Variants in SLC47A2 observed in about 807,000 individuals in gnomAD.
The protein encoded by SLC47A2 is solute carrier family 47 member 2.
A neutral mutation model predicts 67.7 loss-of-function variants in SLC47A2; 52 were observed. The observed-to-expected ratio is 0.77, with a 90% CI of 0.61 to 0.97. The LOEUF (loss-of-function observed/expected upper bound fraction) is 0.97. SLC47A2 is among the 50% of genes least tolerant of loss of function. The probability of loss-of-function intolerance (pLI) is 0.00; values close to 1 mark genes in which losing one functional copy is unlikely to be tolerated. For missense variants in SLC47A2, 676 were observed against 712.3 expected, an observed-to-expected ratio of 0.95 and a Z score of 0.58; for synonymous variants, 278 against 292.9, an observed-to-expected ratio of 0.95 and a Z score of 0.52.
Position 19,681,475 on chromosome 17 carries a change from G to T in SLC47A2, c.1298-14C>A. On this transcript the variant is annotated splice_polypyrimidine_tract_variant and intron_variant, in intron 14 of 16. Transcript: ENST00000433844. Reference sequence around the variant, plus strand: ...CCAGCCAGAGGCCTGGAGGAGACAAGTGATGATGGGAACAATGTCCGACGA... The same window carrying T: ...CCAGCCAGAGGCCTGGAGGAGACAATTGATGATGGGAACAATGTCCGACGA... The T allele has an allele frequency of 6.2e-7, 1 of 1,614,130 alleles. No homozygotes were observed. Among genetic ancestry groups the T allele is most frequent in the South Asian group, 1.1e-5 (1 of 91,064 alleles).
At chr17:19,709,581 AGT>A (rs375982429) in intron 5 of SLC47A2, among the ~76,000 whole-genome samples, 8 of 151,898 alleles carry the variant, frequency 5.3e-5, no homozygotes, top group South Asian at 2.1e-4. Context: ...GGATAATAAT[AGT>A]GTGTGTGTGT....
chr17:19,689,166 C>G (rs891574074), intron 13 of SLC47A2, among the ~76,000 whole-genome samples: 1 of 152,106 alleles, frequency 6.6e-6, no homozygotes, highest in Non-Finnish European at 1.5e-5. Context: ...CTCAGCCTCC[C>G]AAAATGCTGG....
chr17:19,678,394 A>G lies in SLC47A2; in HGVS notation c.*292T>C, dbSNP rs1194451723. On this transcript the variant is annotated 3_prime_UTR_variant, in exon 17 of 17. Coordinates refer to ENST00000433844, the MANE Select transcript of SLC47A2 (RefSeq NM_001099646.3). The stretch of plus-strand genomic sequence containing the variant: ...CAGTGTCCCATTTGAAGCCATTTAC[A>G]TTATTAATAATAGTGACAATCCCTG... 2.5e-5 allele frequency: 10 copies of G among 395,760 alleles called. No homozygotes were observed. The highest frequency in any genetic ancestry group is 7.6e-5 in the Admixed American group (2 of 26,324). The allele number at this position is 395,760 out of a possible 1,614,324, so 24.5% of individuals were successfully genotyped here.
intron 5 of SLC47A2, among the ~76,000 whole-genome samples, chr17:19,712,361 T>C (rs1358368436): frequency 6.6e-6 from 1 of 152,054 alleles, no homozygotes; most frequent in Non-Finnish European, 1.5e-5. Context: ...CACTCCAGCC[T>C]GGGTGACAGA....
Position 19,708,368 on chromosome 17 carries a change from A to T in SLC47A2, c.563T>A (p.Val188Glu). ...CACACCGTTGACACAGTTGCCCACCACACCACTGAGGACTTGGGGCCAGGT... is the reference window on the plus strand; with the variant it reads ...CACACCGTTGACACAGTTGCCCACCTCACCACTGAGGACTTGGGGCCAGGT... ...KITWPQVLSG[V>E]VGNCVNGVAN... Residue 188 changes from valine (V) to glutamate (E), a missense_variant, in exon 7 of 17, where the codon GTG becomes GAG. Physicochemically the swap from Val to Glu is moderately radical, Grantham distance 121. Coordinates refer to ENST00000433844, the MANE Select transcript of SLC47A2 (RefSeq NM_001099646.3). 6.2e-7 allele frequency: 1 copy of T among 1,613,980 alleles called. No individual in the cohort carries two copies. The highest frequency in any genetic ancestry group is 1.3e-5 in the African/African-American group (1 of 75,040).
chr17:19,682,918 C>A (rs2085347304), intron 13 of SLC47A2, among the ~76,000 whole-genome samples: 1 of 152,182 alleles, frequency 6.6e-6, no homozygotes. Context: ...ATCTTCTGAA[C>A]TACAGGCACA....
rs114551401 is a variant in SLC47A2, at chr17:19,683,479, G to A, written c.1165-1809C>T. Among the ~76,000 whole-genome samples the A allele has an allele frequency of 7.5e-3, 1,145 of 152,318 alleles. 10 individuals are homozygous for A. Among genetic ancestry groups the A allele is most frequent in the African/African-American group, 0.026 (1,085 of 41,576 alleles). On this transcript the variant is annotated intron_variant, in intron 13 of 16. Transcript: ENST00000433844. ...GTGGGCCTGTTTGGGAGAAGCCATCGACCAGTGGACTAGGCAGGGATTTAA... is the reference window on the plus strand; with the variant it reads ...GTGGGCCTGTTTGGGAGAAGCCATCAACCAGTGGACTAGGCAGGGATTTAA...
At chr17:19,704,406 C>T (rs1387629827) in intron 10 of SLC47A2, among the ~76,000 whole-genome samples, 3 of 152,242 alleles carry the variant, frequency 2.0e-5, no homozygotes, top group East Asian at 1.9e-4. Context: ...CCACCACCTG[C>T]GCCATCAGAA....
chr17:19,716,419 C>T lies in SLC47A2; in HGVS notation c.123+14G>A. On this transcript the variant is annotated intron_variant, in intron 1 of 16. Transcript: ENST00000433844. Reference sequence around the variant, plus strand: ...CCTCCACTCCCTACCTGCCCCCCAGCTCCTCCTCCTTACCAGGGGTCCAGA... The same window carrying T: ...CCTCCACTCCCTACCTGCCCCCCAGTTCCTCCTCCTTACCAGGGGTCCAGA... 3 of 1,604,742 alleles carry T rather than the reference C, an allele frequency of 1.9e-6. No homozygotes were observed. Among genetic ancestry groups the T allele is most frequent in the Non-Finnish European group, 2.6e-6 (3 of 1,175,978 alleles).
chr17:19,694,619 A>G (rs551920023), intron 13 of SLC47A2, among the ~76,000 whole-genome samples: 1 of 152,308 alleles, frequency 6.6e-6, no homozygotes, highest in South Asian at 2.1e-4. Flanking sequence ...ACAAAAATGA[A>G]CTAAAAATGG....
At position 19,697,840 on chromosome 17, in the gene SLC47A2, T is replaced by C. The variant is rs149975534; in HGVS notation, c.1164+4765A>G. On this transcript the variant is annotated intron_variant, in intron 13 of 16. Coordinates refer to ENST00000433844, the MANE Select transcript of SLC47A2 (RefSeq NM_001099646.3). ...GACCTCCCGGGCTCAAGCCAACCTC[T>C]TTCTTTAGCCTCCCAAAGTGATGGT... 5.4e-3 allele frequency among the ~76,000 whole-genome samples: 822 copies of C among 152,078 alleles called. 6 individuals are homozygous for C. Among genetic ancestry groups the C allele is most frequent in the African/African-American group, 0.018 (748 of 41,468 alleles).
chr17:19,681,390 C>A lies in SLC47A2; in HGVS notation c.1369G>T (p.Asp457Tyr), dbSNP rs1337520651. ...ACCTCCTCTGCAGCAAGCTTCCAGT[C>A]CAGCCGGGCAGTATAAGCAACAAAG... ...AAFVAYTARL[D>Y]WKLAAEEAKK... The change falls in exon 15 of 17, where the codon GAC becomes TAC. Residue 457 changes from aspartate to tyrosine, a missense_variant. Coordinates refer to ENST00000433844, the MANE Select transcript of SLC47A2 (RefSeq NM_001099646.3). The A allele has an allele frequency of 3.1e-6, 5 of 1,611,096 alleles. No homozygotes were observed. The highest frequency in any genetic ancestry group is 4.2e-6 in the Non-Finnish European group (5 of 1,178,484).
chr17:19,678,399 T>C lies in SLC47A2; in HGVS notation c.*287A>G, dbSNP rs1200602891. ...TCCCATTTGAAGCCATTTACATTAT[T>C]AATAATAGTGACAATCCCTGGACTC... On this transcript the variant is annotated 3_prime_UTR_variant, in exon 17 of 17. Transcript: ENST00000433844. 1 of 414,470 alleles carries C rather than the reference T, an allele frequency of 2.4e-6. No homozygotes were observed. The highest frequency in any genetic ancestry group is 4.4e-6 in the Non-Finnish European group (1 of 227,558). 25.7% of individuals were successfully genotyped at this position (414,470 alleles called of 1,614,324 possible).
chr17:19,711,887 A>C (rs1212996348), intron 5 of SLC47A2, among the ~76,000 whole-genome samples: 6 of 152,142 alleles, frequency 3.9e-5, no homozygotes, highest in African/African-American at 1.4e-4. Flanking sequence ...TCGTATTATA[A>C]ATAGAGATTG....
chr17:19,703,222 G>T, intron 11 of SLC47A2, 55 bp from the exon 12 acceptor site: 1 of 1,529,990 alleles, frequency 6.5e-7, no homozygotes, highest in Non-Finnish European at 9.0e-7. Flanking sequence ...AAGCACCCTT[G>T]CTCAGATCAG....
At position 19,681,509 on chromosome 17, in the gene SLC47A2, G is replaced by T. The variant is rs139862736; in HGVS notation, c.1297+29C>A. On this transcript the variant is annotated intron_variant, in intron 14 of 16. Coordinates refer to ENST00000433844, the MANE Select transcript of SLC47A2 (RefSeq NM_001099646.3). ...GGAACAATGTCCGACGACCACCCAG[G>T]CCTCTCCCGACTTCCTCACACCACA... 3.7e-6 allele frequency: 6 copies of T among 1,614,162 alleles called. No homozygotes were observed. In the East Asian group the frequency reaches 1.3e-4, roughly 36 times the overall value.
chr17:19,714,923 C>T, intron 2 of SLC47A2, 134 bp from the exon 3 acceptor site: 6 of 1,368,152 alleles, frequency 4.4e-6, no homozygotes, highest in Non-Finnish European at 5.2e-6. Context: ...TCAGCAGCCT[C>T]ATGTGCTGTG....
intron 16 of SLC47A2, 26 bp from the exon 17 acceptor site, chr17:19,678,932 C>T: frequency 6.5e-7 from 1 of 1,549,664 alleles, no homozygotes; most frequent in Non-Finnish European, 8.7e-7. Flanking sequence ...GGAGCAAACT[C>T]AGCAGGTCAG....
At chr17:19,709,216 C>G (rs2086031677) in intron 5 of SLC47A2, among the ~76,000 whole-genome samples, 1 of 152,224 alleles carries the variant, frequency 6.6e-6, no homozygotes. Flanking sequence ...CTGAGACATG[C>G]TGGCCGTGGG....
Sources: allele counts gnomAD v4.1 joint callset (sites outside exome capture counted in the v4.1 genomes callset), GRCh38; gene constraint gnomAD v4.1.1; transcripts MANE v1.5; gene names NCBI Gene and HGNC (gene_info 2026-07-23, HGNC 2026-07-21).